FBXL2: variants seen among roughly 807,000 people sequenced by gnomAD.
The protein encoded by FBXL2 is F-box/LRR-repeat protein 2.
A neutral mutation model predicts 69.2 loss-of-function variants in FBXL2; 38 were observed. The observed-to-expected ratio is 0.55, with a 90% confidence interval of 0.42 to 0.72. FBXL2 has a LOEUF of 0.72. FBXL2 is among the 30% of genes least tolerant of loss of function. FBXL2 has a pLI of 0.00. For missense variants in FBXL2, 354 were observed against 520.3 expected (o/e 0.68, Z 3.11); for synonymous variants, 192 against 201.3 (o/e 0.95, Z 0.39).
rs556514661 is a variant in FBXL2, at chr3:33,284,090, A to C, written c.3+6575A>C. ...TCTTAGTTATTTCTTGCCTTCGGCT[A>C]GCTTTTGAATGTGTTTGCTCTTTCT... On this transcript the variant is annotated intron_variant, in intron 1 of 14. Transcript: ENST00000484457. 2.6e-5 allele frequency among the ~76,000 whole-genome samples: 4 copies of C among 152,286 alleles called. No homozygotes were observed. In the East Asian group the frequency reaches 7.7e-4, roughly 29 times the overall value.
chr3:33,277,340 T>C (rs2033371642), upstream of FBXL2: 1 of 505,734 alleles, frequency 2.0e-6, no homozygotes, highest in African/African-American at 2.0e-5. Flanking sequence ...GGGCGAGGGG[T>C]GGGCGGTCCA....
At chr3:33,409,224 T>C in the FBXL2 span, 2 of 1,612,186 alleles carry the variant, frequency 1.2e-6, no homozygotes, top group South Asian at 2.2e-5. Flanking sequence ...ACCAAATGCT[T>C]TACTACATTA....
At chr3:33,313,775 A>G (rs893816547) in intron 2 of FBXL2, among the ~76,000 whole-genome samples, 5 of 152,126 alleles carry the variant, frequency 3.3e-5, no homozygotes, top group African/African-American at 9.7e-5. Context: ...ACTCATTATC[A>G]GTCCATATTC....
chr3:33,345,951 G>A (rs188396106), intron 2 of FBXL2, among the ~76,000 whole-genome samples: 1 of 152,282 alleles, frequency 6.6e-6, no homozygotes, highest in East Asian at 1.9e-4. Flanking sequence ...ATCTGGCCAG[G>A]TGTGGTGGCT....
chr3:33,379,855 A>C (rs990675679), intron 13 of FBXL2, among the ~76,000 whole-genome samples: 1 of 152,212 alleles, frequency 6.6e-6, no homozygotes, highest in South Asian at 2.1e-4. Context: ...TTAATATTTG[A>C]AAACTGACTG....
intron 13 of FBXL2, 67 bp downstream of exon 13, chr3:33,378,808 A>C (rs370882898): frequency 6.2e-7 from 1 of 1,613,198 alleles, no homozygotes; most frequent in South Asian, 1.1e-5. Context: ...CCACAACAAG[A>C]AGCTGTTTGG....
chr3:33,320,941 A>G (rs2038151327), intron 2 of FBXL2, among the ~76,000 whole-genome samples: 1 of 152,208 alleles, frequency 6.6e-6, no homozygotes. Flanking sequence ...TAAAACCAAC[A>G]TATTCTTAGT....
chr3:33,297,651 T>A lies in FBXL2; in HGVS notation c.4-13T>A. On this transcript the variant is annotated splice_polypyrimidine_tract_variant and intron_variant, in intron 1 of 14. Transcript: ENST00000484457. ...GAACATTTTCACAATTTCCTTTTTT[T>A]TTTTCTTTCCAGGTTTTCTCAAACA... The A allele has an allele frequency of 1.3e-6, 2 of 1,528,548 alleles. No homozygotes were observed. The highest frequency in any genetic ancestry group is 1.8e-6 in the Non-Finnish European group (2 of 1,122,404). The allele number at this position is 1,528,548 out of a possible 1,614,324, so 94.7% of individuals were successfully genotyped here. A position where few individuals can be genotyped will look rare whatever the true frequency, so the allele number is the denominator to read the frequency against.
chr3:33,348,638 A>G (rs1004696696), intron 2 of FBXL2, among the ~76,000 whole-genome samples: 2 of 151,886 alleles, frequency 1.3e-5, no homozygotes, highest in African/African-American at 4.8e-5. Flanking sequence ...TCTTACTTAA[A>G]CCCAGGAGAC....
intron 12 of FBXL2, among the ~76,000 whole-genome samples, chr3:33,395,445 G>C (rs1226434360): frequency 7.9e-5 from 12 of 151,862 alleles, no homozygotes; most frequent in Admixed American, 5.2e-4. Flanking sequence ...CTTTTAAAAT[G>C]CTTGCTTTTT....
rs555709867 is a variant in FBXL2, at chr3:33,344,768, C to G, written c.66-14199C>G. On this transcript the variant is annotated intron_variant, in intron 2 of 14. Coordinates refer to ENST00000484457, the MANE Select transcript of FBXL2 (RefSeq NM_012157.5). ...ACACAACAGAGAAAGTTAACAAAGC[C>G]CAAAAGTGGTCTTTTGAAAAGATTA... Among the ~76,000 whole-genome samples the G allele has an allele frequency of 6.6e-5, 10 of 151,918 alleles. No homozygotes were observed. In the South Asian group the frequency reaches 2.1e-3, roughly 32 times the overall value.
chr3:33,298,195 T>C (rs1394845117), intron 2 of FBXL2, among the ~76,000 whole-genome samples: 1 of 152,226 alleles, frequency 6.6e-6, no homozygotes, highest in Non-Finnish European at 1.5e-5. Flanking sequence ...TATGTTTTTA[T>C]TCATATGAGA....
chr3:33,329,609 TGCA>T (rs1341272548), intron 2 of FBXL2, among the ~76,000 whole-genome samples: 2 of 152,136 alleles, frequency 1.3e-5, no homozygotes, highest in African/African-American at 4.8e-5. Context: ...TCCTGTCGTT[TGCA>T]GCAAGATGGA....
chr3:33,371,063 T>C (rs768271645), intron 5 of FBXL2, among the ~76,000 whole-genome samples: 1 of 152,208 alleles, frequency 6.6e-6, no homozygotes, highest in Admixed American at 6.5e-5. Context: ...TTTTTGATAG[T>C]TGCTATTGCT....
At chr3:33,419,323 C>T in the FBXL2 span, among the ~76,000 whole-genome samples, 26 of 151,978 alleles carry the variant, frequency 1.7e-4, no homozygotes, top group African/African-American at 2.7e-4. Context: ...GGTGAAACCC[C>T]GTCTCTACTA....
downstream of FBXL2, chr3:33,389,203 G>A (rs1411114486): frequency 2.0e-5 from 3 of 152,610 alleles, no homozygotes; most frequent in East Asian, 1.9e-4. Context: ...AGTATGTGGT[G>A]TATAAAAAGC....
intron 4 of FBXL2, among the ~76,000 whole-genome samples, chr3:33,361,297 A>C (rs1375347027): frequency 2.0e-5 from 3 of 151,944 alleles, no homozygotes; most frequent in African/African-American, 7.3e-5. Context: ...GGAGCCCAGG[A>C]GTTCAAGACC....
At chr3:33,333,689 T>C (rs1008921833) in intron 2 of FBXL2, among the ~76,000 whole-genome samples, 5 of 152,148 alleles carry the variant, frequency 3.3e-5, no homozygotes. Context: ...GGGTCTGACT[T>C]AGACACTAAA....
At chr3:33,360,918 C>CTTTTTTTTTT (rs58912118) in intron 4 of FBXL2, among the ~76,000 whole-genome samples, 5 of 57,118 alleles carry the variant, frequency 8.8e-5, no homozygotes, top group African/African-American at 1.7e-4. Flanking sequence ...ACATGAAGAA[C>CTTTTTTTTTT]TTTTTTTTTT....
Sources: gnomAD v4.1 joint callset for allele counts (sites outside exome capture counted in the v4.1 genomes callset) on GRCh38, gnomAD v4.1.1 for gene constraint, MANE v1.5 for transcripts, NCBI Gene and HGNC (gene_info 2026-07-23, HGNC 2026-07-21) for gene names.